Variants in ZBTB7C observed in about 807,000 individuals in gnomAD.
ZBTB7C encodes zinc finger and BTB domain-containing protein 7C.
Under a neutral mutation model 25.7 loss-of-function variants are expected in ZBTB7C, and 8 were observed. The observed-to-expected ratio is 0.31, with a 90% CI of 0.18 to 0.56. The LOEUF is 0.56. Among genes scored for constraint, ZBTB7C ranks in the 20% least tolerant of loss-of-function variants. The probability of loss-of-function intolerance (pLI) is 0.91; values close to 1 mark genes in which losing one functional copy is unlikely to be tolerated. For missense variants in ZBTB7C, 824 were observed against 855.2 expected, an observed-to-expected ratio of 0.96 and a Z score of 0.46; for synonymous variants, 394 against 369.0, an observed-to-expected ratio of 1.07 and a Z score of -0.78.
At chr18:48,193,731 C>A (rs1056757028) in intron 2 of ZBTB7C, among the ~76,000 whole-genome samples, 1 of 152,222 alleles carries the variant, frequency 6.6e-6, no homozygotes, top group African/African-American at 2.4e-5. Context: ...CCAGGATCCA[C>A]TGAAACAAGG....
rs116936143 is a variant in ZBTB7C at position 48,230,183 on chromosome 18, T to C, written c.-78-44188A>G. Among the ~76,000 whole-genome samples the C allele has an allele frequency of 7.0e-3, 1,064 of 152,346 alleles. 7 individuals carry two copies. The highest frequency in any genetic ancestry group is 0.014 in the Middle Eastern group (4 of 294). Reference sequence around the variant, plus strand: ...ATCAACATTCCTTCTTACAGGCTCATCAAACAACACTCCCCTGAAGAAGGC... The same window carrying C: ...ATCAACATTCCTTCTTACAGGCTCACCAAACAACACTCCCCTGAAGAAGGC... On this transcript the variant is annotated intron_variant, in intron 2 of 4. Coordinates refer to ENST00000590800, the MANE Select transcript of ZBTB7C (RefSeq NM_001318841.2).
At chr18:48,295,640 A>G (rs550080866) in intron 2 of ZBTB7C, among the ~76,000 whole-genome samples, 47 of 152,262 alleles carry the variant, frequency 3.1e-4, no homozygotes, top group African/African-American at 1.1e-3. Flanking sequence ...ATTCAATTCA[A>G]CAAAACTTTA....
At chr18:48,058,301 G>A (rs1293262899) in intron 3 of ZBTB7C, among the ~76,000 whole-genome samples, 1 of 152,186 alleles carries the variant, frequency 6.6e-6, no homozygotes, top group Non-Finnish European at 1.5e-5. Flanking sequence ...CCACTTGGAC[G>A]CTGTCATTTC....
chr18:48,172,692 G>A (rs914017827), intron 3 of ZBTB7C, among the ~76,000 whole-genome samples: 1 of 152,260 alleles, frequency 6.6e-6, no homozygotes, highest in South Asian at 2.1e-4. Flanking sequence ...TTCCTTGGGC[G>A]GCCCCTCCCT....
chr18:48,093,990 C>T (rs1186543153), intron 3 of ZBTB7C, among the ~76,000 whole-genome samples: 3 of 152,188 alleles, frequency 2.0e-5, no homozygotes, highest in Admixed American at 6.5e-5. Context: ...ACCCGGGAGG[C>T]GGAGCTTGCA....
chr18:48,086,977 G>A (rs916694606), intron 3 of ZBTB7C, among the ~76,000 whole-genome samples: 6 of 152,158 alleles, frequency 3.9e-5, no homozygotes, highest in African/African-American at 1.4e-4. Flanking sequence ...AACATATATT[G>A]TTTTTCAGTA....
chr18:48,255,257 AC>A (rs1336064344), intron 2 of ZBTB7C, among the ~76,000 whole-genome samples: 1 of 152,266 alleles, frequency 6.6e-6, no homozygotes, highest in African/African-American at 2.4e-5. Context: ...CCCAGAACTT[AC>A]AATTAGCAGA....
intron 2 of ZBTB7C, among the ~76,000 whole-genome samples, chr18:48,216,897 A>G (rs1274783412): frequency 6.6e-6 from 1 of 152,222 alleles, no homozygotes; most frequent in African/African-American, 2.4e-5. Context: ...GATGTAATTA[A>G]TTAGGATGAG....
At chr18:48,397,453 A>T (rs1411256896) in intron 1 of ZBTB7C, among the ~76,000 whole-genome samples, 1 of 152,196 alleles carries the variant, frequency 6.6e-6, no homozygotes, top group Non-Finnish European at 1.5e-5. Context: ...TGGGCTCTGG[A>T]ATCAGAGCTC....
intron 1 of ZBTB7C, among the ~76,000 whole-genome samples, chr18:48,400,925 G>C (rs559798700): frequency 4.6e-5 from 7 of 152,164 alleles, no homozygotes; most frequent in Non-Finnish European, 1.0e-4. Flanking sequence ...ATCTTTGTGT[G>C]GCCAGACATT....
At chr18:48,327,402 G>A (rs1388501276) in intron 2 of ZBTB7C, among the ~76,000 whole-genome samples, 1 of 152,212 alleles carries the variant, frequency 6.6e-6, no homozygotes, top group Non-Finnish European at 1.5e-5. Flanking sequence ...CTCATTTTAA[G>A]GCCATGTGGT....
intron 2 of ZBTB7C, among the ~76,000 whole-genome samples, chr18:48,259,075 A>G (rs1007018511): frequency 1.3e-5 from 2 of 152,066 alleles, no homozygotes. Context: ...TCAGCCTCCC[A>G]AGTAGCTGGG....
chr18:48,060,206 T>C (rs2037075388), intron 3 of ZBTB7C, among the ~76,000 whole-genome samples: 1 of 152,052 alleles, frequency 6.6e-6, no homozygotes, highest in Non-Finnish European at 1.5e-5. Flanking sequence ...ATTTTTAGCT[T>C]TTCTGCGGAG....
intron 4 of ZBTB7C, among the ~76,000 whole-genome samples, chr18:48,035,831 G>C (rs1363935624): frequency 1.3e-5 from 2 of 152,264 alleles, no homozygotes; most frequent in Non-Finnish European, 2.9e-5. Flanking sequence ...AGAAGGGAAA[G>C]GATTCCTGAT....
chr18:48,076,822 A>C, intron 3 of ZBTB7C: 2 of 478,442 alleles, frequency 4.2e-6, no homozygotes, highest in South Asian at 8.9e-5. Context: ...TCTGCTGAGA[A>C]CCCATGGGAT....
chr18:48,226,510 C>T (rs2043097597), intron 2 of ZBTB7C, among the ~76,000 whole-genome samples: 1 of 152,178 alleles, frequency 6.6e-6, no homozygotes, highest in Non-Finnish European at 1.5e-5. Flanking sequence ...TAATTCCATC[C>T]TTCAAAAATG....
intron 2 of ZBTB7C, among the ~76,000 whole-genome samples, chr18:48,316,671 C>T (rs1000364139): frequency 6.6e-6 from 1 of 152,204 alleles, no homozygotes; most frequent in South Asian, 2.1e-4. Flanking sequence ...GCTCCCCTTG[C>T]CTGCCATGAT....
chr18:48,124,749 C>G (rs2039744848), intron 3 of ZBTB7C, among the ~76,000 whole-genome samples: 1 of 152,206 alleles, frequency 6.6e-6, no homozygotes, highest in Non-Finnish European at 1.5e-5. Context: ...GCTCCAGTTC[C>G]TCAAGGAGCA....
At chr18:48,075,733 C>T (rs1395603592) in intron 3 of ZBTB7C, among the ~76,000 whole-genome samples, 2 of 152,156 alleles carry the variant, frequency 1.3e-5, no homozygotes, top group Non-Finnish European at 2.9e-5. Context: ...CGACACAGGT[C>T]AGCGTCATCC....
Sources: gnomAD v4.1 joint callset for allele counts (sites outside exome capture counted in the v4.1 genomes callset) on GRCh38, gnomAD v4.1.1 for gene constraint, MANE v1.5 for transcripts, NCBI Gene and HGNC (gene_info 2026-07-23, HGNC 2026-07-21) for gene names.